Variants in GRID2 observed in about 807,000 individuals in gnomAD.
GRID2 encodes the protein glutamate ionotropic receptor delta type subunit 2, also known as glutamate receptor ionotropic, delta-2.
A neutral mutation model predicts 114.8 loss-of-function variants in GRID2; 33 were observed. That is an observed-to-expected ratio of 0.29 (90% CI 0.22 to 0.38). The LOEUF (loss-of-function observed/expected upper bound fraction) is 0.38, where lower values mean the gene tolerates loss of function less well. GRID2 is among the 10% of genes least tolerant of loss of function. The pLI, the probability that GRID2 is intolerant of heterozygous loss-of-function variation, is 1.00. For synonymous variants in GRID2, 505 were observed against 449.9 expected (o/e 1.12, Z -1.55); for missense variants, 1,184 against 1,257.7 (o/e 0.94, Z 0.89).
At chr4:92,873,143 T>G (rs932564242) in intron 2 of GRID2, among the ~76,000 whole-genome samples, 7 of 152,176 alleles carry the variant, frequency 4.6e-5, no homozygotes, top group Non-Finnish European at 1.0e-4. Flanking sequence ...TGATTGTGCT[T>G]CTTTGGATCA....
At chr4:93,588,264 GA>G (rs1439885517) in intron 13 of GRID2, among the ~76,000 whole-genome samples, 1 of 152,028 alleles carries the variant, frequency 6.6e-6, no homozygotes, top group Non-Finnish European at 1.5e-5. Context: ...ATTTTTAAAT[GA>G]ATAAGCTAAA....
chr4:92,966,747 T>G (rs531942442), intron 2 of GRID2, among the ~76,000 whole-genome samples: 1 of 152,074 alleles, frequency 6.6e-6, no homozygotes, highest in Non-Finnish European at 1.5e-5. Flanking sequence ...AACTGAGTCA[T>G]TAAACCTCTT....
rs535200425 is a variant in GRID2 at position 92,538,526 on chromosome 4, A to G, written c.89-51605A>G. Reference sequence around the variant, plus strand: ...GAAAGTATGACTTGGAGCTCCACAAAGCAATTACAAAAGGGATAAGTTGTA... The same window carrying G: ...GAAAGTATGACTTGGAGCTCCACAAGGCAATTACAAAAGGGATAAGTTGTA... On this transcript the variant is annotated intron_variant, in intron 1 of 15. Transcript: ENST00000282020. Among the ~76,000 whole-genome samples the G allele has an allele frequency of 1.3e-3, 194 of 152,294 alleles. 1 individual carries two copies. Among genetic ancestry groups the G allele is most frequent in the African/African-American group, 4.6e-3 (191 of 41,566 alleles).
intron 2 of GRID2, among the ~76,000 whole-genome samples, chr4:92,721,116 G>C (rs1029508942): frequency 2.0e-5 from 3 of 152,012 alleles, no homozygotes; most frequent in Non-Finnish European, 4.4e-5. Flanking sequence ...AATTTATAGA[G>C]ACACGAGGTA....
At chr4:92,863,381 C>G (rs1326786275) in intron 2 of GRID2, among the ~76,000 whole-genome samples, 1 of 152,078 alleles carries the variant, frequency 6.6e-6, no homozygotes, top group African/African-American at 2.4e-5. Context: ...TTATTCACAC[C>G]ACCGACTCCT....
chr4:92,457,650 A>G (rs1721283442), intron 1 of GRID2, among the ~76,000 whole-genome samples: 2 of 152,122 alleles, frequency 1.3e-5, no homozygotes, highest in African/African-American at 4.8e-5. Context: ...AGCATCACCT[A>G]TGGGACAGGA....
In GRID2 at chr4:93,126,531, G is replaced by A. The variant is rs115974084; in HGVS notation, c.735+15578G>A. ...GATGTCAATAATACCTACCCCAGCT[G>A]TGGTAGAAGATAAAATTATCCCTGG... On this transcript the variant is annotated intron_variant, in intron 4 of 15. Transcript: ENST00000282020. 5.0e-3 allele frequency among the ~76,000 whole-genome samples: 734 copies of A among 146,324 alleles called. 2 individuals are homozygous for A. The highest frequency in any genetic ancestry group is 0.018 in the African/African-American group (700 of 39,296).
intron 8 of GRID2, among the ~76,000 whole-genome samples, chr4:93,279,376 C>T (rs3970981): frequency 0.032 from 4,878 of 151,800 alleles, 275 homozygotes; most frequent in African/African-American, 0.11. Flanking sequence ...GTTTTATTCT[C>T]GTAAACATTT....
chr4:93,192,915 G>A (rs1401944608), intron 4 of GRID2, among the ~76,000 whole-genome samples: 2 of 152,068 alleles, frequency 1.3e-5, no homozygotes, highest in African/African-American at 4.8e-5. Flanking sequence ...GTTCTGTAGT[G>A]GGGTGCATAT....
intron 2 of GRID2, among the ~76,000 whole-genome samples, chr4:92,942,568 C>T (rs972684735): frequency 6.6e-6 from 1 of 152,180 alleles, no homozygotes; most frequent in Non-Finnish European, 1.5e-5. Context: ...ATCCCATTTA[C>T]ATTTAAGGTT....
intron 2 of GRID2, among the ~76,000 whole-genome samples, chr4:92,955,354 C>T (rs2149141533): frequency 1.3e-5 from 2 of 152,260 alleles, no homozygotes; most frequent in South Asian, 4.1e-4. Flanking sequence ...ATTTGCATTT[C>T]TCTGATGGCC....
chr4:92,922,738 A>G (rs1749468360), intron 2 of GRID2, among the ~76,000 whole-genome samples: 4 of 152,196 alleles, frequency 2.6e-5, no homozygotes, highest in African/African-American at 7.2e-5. Context: ...ATGAATCACC[A>G]CTATACAAAA....
chr4:92,418,494 G>C (rs1254523034), intron 1 of GRID2, among the ~76,000 whole-genome samples: 2 of 152,062 alleles, frequency 1.3e-5, no homozygotes, highest in African/African-American at 4.8e-5. Flanking sequence ...AAAGATTAGA[G>C]AGGGCTAATG....
intron 1 of GRID2, among the ~76,000 whole-genome samples, chr4:93,804,505 G>T (rs180877849): frequency 2.0e-5 from 3 of 152,100 alleles, no homozygotes; most frequent in African/African-American, 7.2e-5. Flanking sequence ...TCTAAACATA[G>T]GAAAGGTACA....
intron 10 of GRID2, 36 bp from the exon 11 acceptor site, chr4:93,455,626 A>T (rs1427156761): frequency 5.0e-6 from 7 of 1,404,376 alleles, no homozygotes; most frequent in Non-Finnish European, 7.0e-6. Flanking sequence ...TGTTTTTCAC[A>T]CTGTTAATGT....
intron 8 of GRID2, among the ~76,000 whole-genome samples, chr4:93,363,086 G>A (rs1219809032): frequency 2.0e-5 from 3 of 152,004 alleles, no homozygotes; most frequent in Non-Finnish European, 4.4e-5. Context: ...TGGGCATGGT[G>A]GTGCATGTCT....
chr4:93,353,730 G>A (rs1041196505), intron 8 of GRID2, among the ~76,000 whole-genome samples: 6 of 152,038 alleles, frequency 3.9e-5, no homozygotes, highest in Admixed American at 6.6e-5. Flanking sequence ...AAAATCATGC[G>A]TAATACAAGA....
chr4:93,375,266 T>C (rs1763273762), intron 8 of GRID2, among the ~76,000 whole-genome samples: 1 of 149,106 alleles, frequency 6.7e-6, no homozygotes, highest in Non-Finnish European at 1.5e-5. Context: ...CAGGCTGAAG[T>C]GCAGTACAGG....
intron 4 of GRID2, among the ~76,000 whole-genome samples, chr4:93,128,678 C>G (rs1318543249): frequency 6.8e-6 from 1 of 147,392 alleles, no homozygotes; most frequent in African/African-American, 2.5e-5. Flanking sequence ...ACTTGGGAAA[C>G]CTGAGGTACA....
Sources: allele counts gnomAD v4.1 joint callset (sites outside exome capture counted in the v4.1 genomes callset), GRCh38; gene constraint gnomAD v4.1.1; transcripts MANE v1.5; gene names NCBI Gene and HGNC (gene_info 2026-07-23, HGNC 2026-07-21).